WWOX: variants seen among roughly 807,000 people sequenced by gnomAD.
WWOX encodes the protein WW domain-containing oxidoreductase.
In WWOX, 69 loss-of-function variants were observed where a neutral mutation model predicts 46.2. That is an observed-to-expected ratio of 1.49 (90% CI 1.23 to 1.82). WWOX has a LOEUF of 1.82. Among genes scored for constraint, WWOX ranks in the 40% most tolerant of loss-of-function variants. The pLI is 0.00. For missense variants in WWOX, 919 were observed against 542.6 expected, an observed-to-expected ratio of 1.69 and a Z score of -6.89; for synonymous variants, 359 against 202.6, an observed-to-expected ratio of 1.77 and a Z score of -6.56.
At chr16:78,575,030 T>A (rs1033236555) in intron 8 of WWOX, among the ~76,000 whole-genome samples, 6 of 1,814 alleles carry the variant, frequency 3.3e-3, no homozygotes, top group Admixed American at 7.5e-3. Flanking sequence ...TAAATATATA[T>A]ATATATATAT....
At chr16:78,593,346 AC>A (rs2045396353) in intron 8 of WWOX, among the ~76,000 whole-genome samples, 1 of 151,992 alleles carries the variant, frequency 6.6e-6, no homozygotes, top group Non-Finnish European at 1.5e-5. Context: ...TGGCCTTGAT[AC>A]TGATATTTTA....
chr16:78,516,739 G>C (rs1014573346), intron 8 of WWOX, among the ~76,000 whole-genome samples: 1 of 152,108 alleles, frequency 6.6e-6, no homozygotes, highest in African/African-American at 2.4e-5. Context: ...ATTTAAACGC[G>C]AGGGTTTCCT....
chr16:78,829,979 C>T (rs2051771367), intron 8 of WWOX, among the ~76,000 whole-genome samples: 1 of 152,032 alleles, frequency 6.6e-6, no homozygotes, highest in Non-Finnish European at 1.5e-5. Context: ...ACTTTGGGGC[C>T]AGACACAGTG....
At chr16:79,010,654 G>T (rs1168412768) in intron 8 of WWOX, among the ~76,000 whole-genome samples, 1 of 152,212 alleles carries the variant, frequency 6.6e-6, no homozygotes, top group East Asian at 1.9e-4. Flanking sequence ...AGAAGTTGGA[G>T]AAGACAGTGG....
intron 4 of WWOX, among the ~76,000 whole-genome samples, chr16:78,158,964 T>C (rs1476455365): frequency 2.0e-5 from 3 of 152,152 alleles, no homozygotes; most frequent in Non-Finnish European, 4.4e-5. Flanking sequence ...GCCTACACCA[T>C]TCTATTTTTT....
intron 8 of WWOX, among the ~76,000 whole-genome samples, chr16:78,738,009 C>G (rs1197011445): frequency 3.3e-5 from 5 of 152,190 alleles, no homozygotes; most frequent in Non-Finnish European, 7.3e-5. Context: ...AGGGGTTTCC[C>G]TGTCAGAGCC....
intron 8 of WWOX, among the ~76,000 whole-genome samples, chr16:78,968,715 C>T (rs2046412079): frequency 6.6e-6 from 1 of 152,140 alleles, no homozygotes; most frequent in South Asian, 2.1e-4. Context: ...TCTTCTTCTT[C>T]TTCTTTTTGA....
intron 8 of WWOX, among the ~76,000 whole-genome samples, chr16:78,674,659 C>T (rs1357982475): frequency 6.6e-6 from 1 of 152,134 alleles, no homozygotes; most frequent in Non-Finnish European, 1.5e-5. Flanking sequence ...GCCTTTATCT[C>T]CTGCCCCATA....
chr16:78,601,721 C>A (rs992519068), intron 8 of WWOX, among the ~76,000 whole-genome samples: 1 of 152,178 alleles, frequency 6.6e-6, no homozygotes, highest in African/African-American at 2.4e-5. Context: ...GAAGTCTTTT[C>A]TCTGGAAGGA....
intron 5 of WWOX, among the ~76,000 whole-genome samples, chr16:78,185,557 C>G (rs891361941): frequency 6.6e-6 from 1 of 151,978 alleles, no homozygotes; most frequent in South Asian, 2.1e-4. Flanking sequence ...ATATTACTTC[C>G]CAGGGTGGTG....
At chr16:78,422,750 C>CATATATATACACAT (rs577129479) in intron 6 of WWOX, among the ~76,000 whole-genome samples, 3 of 94,548 alleles carry the variant, frequency 3.2e-5, no homozygotes, top group African/African-American at 2.6e-4. Flanking sequence ...TATATATACA[C>CATATATATACACAT]ATATATACAC....
At chr16:78,618,089 T>C (rs1288994860) in intron 8 of WWOX, among the ~76,000 whole-genome samples, 1 of 152,232 alleles carries the variant, frequency 6.6e-6, no homozygotes, top group East Asian at 1.9e-4. Flanking sequence ...TAAGAGGCCA[T>C]GACTGTCCAC....
intron 8 of WWOX, among the ~76,000 whole-genome samples, chr16:78,797,880 C>T (rs981688693): frequency 6.6e-6 from 1 of 152,118 alleles, no homozygotes; most frequent in African/African-American, 2.4e-5. Flanking sequence ...CCTAGCTACT[C>T]AAGAGGCTGA....
At chr16:78,611,626 G>A (rs538028012) in intron 8 of WWOX, among the ~76,000 whole-genome samples, 1 of 152,226 alleles carries the variant, frequency 6.6e-6, no homozygotes, top group East Asian at 1.9e-4. Flanking sequence ...TTGGGAAAAT[G>A]ATAGTTAGAT....
At chr16:78,811,014 G>C (rs2051174843) in intron 8 of WWOX, among the ~76,000 whole-genome samples, 3 of 152,180 alleles carry the variant, frequency 2.0e-5, no homozygotes, top group Admixed American at 2.0e-4. Flanking sequence ...CTGGTGTTTA[G>C]TAACTTGCAC....
At chr16:78,807,180 A>G (rs1268383838) in intron 8 of WWOX, among the ~76,000 whole-genome samples, 1 of 152,200 alleles carries the variant, frequency 6.6e-6, no homozygotes, top group East Asian at 1.9e-4. Context: ...TTGTGTCCTA[A>G]TCTATGTCAC....
chr16:78,144,513 A>G (rs2034127518), intron 4 of WWOX, among the ~76,000 whole-genome samples: 1 of 41,848 alleles, frequency 2.4e-5, no homozygotes, highest in Non-Finnish European at 4.6e-5. Context: ...ATATATATAT[A>G]TATATATATA....
At chr16:78,524,581 C>G (rs2043418795) in intron 8 of WWOX, among the ~76,000 whole-genome samples, 1 of 151,626 alleles carries the variant, frequency 6.6e-6, no homozygotes, top group Non-Finnish European at 1.5e-5. Context: ...CCACCAGGCT[C>G]TGCTAATTTT....
chr16:79,095,085 G>A (rs944456600), intron 8 of WWOX, among the ~76,000 whole-genome samples: 3 of 152,142 alleles, frequency 2.0e-5, no homozygotes, highest in Admixed American at 6.5e-5. Context: ...GATATTCTCT[G>A]CCCCAGCCCC....
Sources: gnomAD v4.1 joint callset for allele counts (sites outside exome capture counted in the v4.1 genomes callset) on GRCh38, gnomAD v4.1.1 for gene constraint, MANE v1.5 for transcripts, NCBI Gene and HGNC (gene_info 2026-07-23, HGNC 2026-07-21) for gene names.